LDB2: variants seen among roughly 807,000 people sequenced by gnomAD.
The protein encoded by LDB2 is LIM domain binding 2, also known as LIM domain-binding protein 2.
A neutral mutation model predicts 44.3 loss-of-function variants in LDB2; 12 were observed. The observed-to-expected ratio is 0.27, with a 90% CI of 0.17 to 0.44. The LOEUF (loss-of-function observed/expected upper bound fraction) is 0.44, where lower values mean the gene tolerates loss of function less well. Among genes scored for constraint, LDB2 ranks in the 20% least tolerant of loss-of-function variants. The pLI is 1.00. For missense variants in LDB2, 344 were observed against 473.5 expected, an observed-to-expected ratio of 0.73 and a Z score of 2.54; for synonymous variants, 164 against 174.8, an observed-to-expected ratio of 0.94 and a Z score of 0.49.
Position 16,681,676 on chromosome 4 carries a change from G to C in LDB2, c.235+77482C>G, listed in dbSNP as rs886137791. Among the ~76,000 whole-genome samples the C allele has an allele frequency of 2.2e-5, 3 of 135,764 alleles. No individual in the cohort carries two copies. In the South Asian group the frequency reaches 7.1e-4, roughly 32 times the overall value. The allele number at this position is 135,764 out of a possible 152,430, so 89.1% of individuals were successfully genotyped here. A position where few individuals can be genotyped will look rare whatever the true frequency, so the allele number is the denominator to read the frequency against. Reference sequence around the variant, plus strand: ...GAGTCTCGCTCTGTCACCCAGGCTGGAGTGCAGTGATGGGACTGCACTGGG... The same window carrying C: ...GAGTCTCGCTCTGTCACCCAGGCTGCAGTGCAGTGATGGGACTGCACTGGG... On this transcript the variant is annotated intron_variant, in intron 2 of 7. Transcript: ENST00000304523.
At chr4:16,663,166 C>A (rs986475045) in intron 2 of LDB2, among the ~76,000 whole-genome samples, 17 of 152,052 alleles carry the variant, frequency 1.1e-4, no homozygotes, top group Non-Finnish European at 1.9e-4. Context: ...TTTCTGGGCA[C>A]CAAGATGCTA....
intron 5 of LDB2, among the ~76,000 whole-genome samples, chr4:16,535,485 C>A (rs1013097): frequency 0.12 from 18,388 of 152,178 alleles, 1,314 homozygotes; most frequent in East Asian, 0.25. Flanking sequence ...ATGTCAGATA[C>A]AATAAACAAA....
At chr4:16,692,435 G>A (rs191463223) in intron 2 of LDB2, among the ~76,000 whole-genome samples, 57 of 152,274 alleles carry the variant, frequency 3.7e-4, no homozygotes, top group Middle Eastern at 6.8e-3. Flanking sequence ...GCCAGCAGCA[G>A]CAAAAGGGTT....
chr4:16,862,755 G>T (rs1033925742), intron 1 of LDB2, among the ~76,000 whole-genome samples: 1 of 151,648 alleles, frequency 6.6e-6, no homozygotes, highest in African/African-American at 2.4e-5. Flanking sequence ...TTTTTAGAAG[G>T]TGTCCAGTTT....
At chr4:16,538,681 G>C (rs559595923) in intron 5 of LDB2, among the ~76,000 whole-genome samples, 1 of 152,272 alleles carries the variant, frequency 6.6e-6, no homozygotes, top group South Asian at 2.1e-4. Flanking sequence ...GTCTTAGTTA[G>C]TTAGCTTATT....
At chr4:16,604,823 A>G (rs1050457899) in intron 2 of LDB2, among the ~76,000 whole-genome samples, 2 of 152,160 alleles carry the variant, frequency 1.3e-5, no homozygotes, top group African/African-American at 2.4e-5. Flanking sequence ...TATATTTTCA[A>G]TTATCGAACA....
At chr4:16,792,373 T>C (rs1042940841) in intron 1 of LDB2, among the ~76,000 whole-genome samples, 5 of 152,226 alleles carry the variant, frequency 3.3e-5, no homozygotes, top group African/African-American at 1.2e-4. Context: ...GATACTGATT[T>C]GTCTCTTTAA....
intron 2 of LDB2, among the ~76,000 whole-genome samples, chr4:16,603,922 G>T (rs575140962): frequency 6.6e-6 from 1 of 152,242 alleles, no homozygotes; most frequent in Admixed American, 6.5e-5. Flanking sequence ...GGGCTAGAGC[G>T]CAGTAATGCA....
chr4:16,631,811 T>C (rs772387307), intron 2 of LDB2, among the ~76,000 whole-genome samples: 33 of 152,190 alleles, frequency 2.2e-4, no homozygotes, highest in Non-Finnish European at 4.0e-4. Flanking sequence ...CAAACACCTC[T>C]ACGCAAATGA....
chr4:16,543,194 C>T (rs953195515), intron 5 of LDB2, among the ~76,000 whole-genome samples: 3 of 152,024 alleles, frequency 2.0e-5, no homozygotes, highest in Non-Finnish European at 4.4e-5. Context: ...TGGGTTGGTT[C>T]CCAGTCTTTG....
intron 2 of LDB2, among the ~76,000 whole-genome samples, chr4:16,743,403 G>A (rs932597517): frequency 6.6e-6 from 1 of 152,064 alleles, no homozygotes; most frequent in Non-Finnish European, 1.5e-5. Context: ...CCTGGTATAT[G>A]CACCCTGCAT....
chr4:16,634,123 C>A (rs6849333), intron 2 of LDB2, among the ~76,000 whole-genome samples: 76,742 of 151,820 alleles, frequency 0.51, 19,584 homozygotes, highest in Middle Eastern at 0.66. Flanking sequence ...CAAGATGGAT[C>A]AAAGACTTAA....
At chr4:16,747,050 T>C (rs1349044941) in intron 2 of LDB2, among the ~76,000 whole-genome samples, 1 of 152,116 alleles carries the variant, frequency 6.6e-6, no homozygotes, top group African/African-American at 2.4e-5. Flanking sequence ...TTCTTACAAG[T>C]CCCATAACTA....
intron 2 of LDB2, among the ~76,000 whole-genome samples, chr4:16,735,019 C>T (rs1761590382): frequency 6.6e-6 from 1 of 152,096 alleles, no homozygotes; most frequent in Admixed American, 6.5e-5. Flanking sequence ...AGCTGCTTCC[C>T]ATCTTCTAAG....
rs987694283 is a variant in LDB2 at position 16,567,401 on chromosome 4, T to C, written c.615+18521A>G. On this transcript the variant is annotated intron_variant, in intron 5 of 7. Coordinates refer to ENST00000304523, the MANE Select transcript of LDB2 (RefSeq NM_001290.5). ...GTGTGTGTGCGCGTGTGTGCATGCG[T>C]GTGTGTGCATGCGTGTGTGTGTGTT... Among the ~76,000 whole-genome samples the C allele has an allele frequency of 2.4e-3, 353 of 147,674 alleles. 5 individuals carry two copies. The highest frequency in any genetic ancestry group is 8.7e-3 in the African/African-American group (332 of 38,326).
At chr4:16,604,459 A>G (rs1723383583) in intron 2 of LDB2, among the ~76,000 whole-genome samples, 2 of 150,588 alleles carry the variant, frequency 1.3e-5, no homozygotes, top group African/African-American at 2.4e-5. Context: ...CATTGCAATA[A>G]CATGAGAATA....
chr4:16,751,235 C>A (rs906706999), intron 2 of LDB2, among the ~76,000 whole-genome samples: 7 of 152,204 alleles, frequency 4.6e-5, no homozygotes, highest in African/African-American at 1.7e-4. Flanking sequence ...ACAACCACCT[C>A]AGATTTCATA....
chr4:16,563,026 T>G (rs1577747963), intron 5 of LDB2, among the ~76,000 whole-genome samples: 3 of 142,854 alleles, frequency 2.1e-5, no homozygotes, highest in African/African-American at 2.6e-5. Context: ...CGAGAACACA[T>G]GGACACAGGA....
chr4:16,688,771 A>G (rs1213756440), intron 2 of LDB2, among the ~76,000 whole-genome samples: 1 of 152,212 alleles, frequency 6.6e-6, no homozygotes, highest in East Asian at 1.9e-4. Context: ...AGAACATACA[A>G]AGTCTTGTAA....
Sources: gnomAD v4.1 joint callset for allele counts (sites outside exome capture counted in the v4.1 genomes callset) on GRCh38, gnomAD v4.1.1 for gene constraint, MANE v1.5 for transcripts, NCBI Gene and HGNC (gene_info 2026-07-23, HGNC 2026-07-21) for gene names.